RAB37: variants seen among roughly 807,000 people sequenced by gnomAD.
RAB37 encodes the protein ras-related protein Rab-37.
A neutral mutation model predicts 33.1 loss-of-function variants in RAB37; 29 were observed. The ratio of observed to expected loss-of-function variants is 0.88; its 90% CI spans 0.65 to 1.20. The LOEUF (loss-of-function observed/expected upper bound fraction) is 1.20. Ranked by LOEUF, RAB37 falls within the 50% of genes most tolerant of loss-of-function variation. The pLI is 0.00. For synonymous variants in RAB37, 128 were observed against 119.5 expected (o/e 1.07, Z -0.47); for missense variants, 299 against 301.1 (o/e 0.99, Z 0.05).
Position 74,692,329 on chromosome 17 carries a change from C to A in RAB37, c.72+20671C>A, listed in dbSNP as rs564700788. 9.6e-4 allele frequency among the ~76,000 whole-genome samples: 146 copies of A among 152,228 alleles called. 1 individual carries two copies. The highest frequency in any genetic ancestry group is 3.4e-3 in the African/African-American group (143 of 41,532). Reference sequence around the variant, plus strand: ...ACCTGACCAGCTTAGATGACTAGCTCAAGAATAGTCAAGCTTGCTTGGGCT... The same window carrying A: ...ACCTGACCAGCTTAGATGACTAGCTAAAGAATAGTCAAGCTTGCTTGGGCT... On this transcript the variant is annotated intron_variant, in intron 1 of 7. Coordinates refer to the RAB37 transcript ENST00000340415.
At chr17:74,721,969 A>G (rs1306144612) in intron 1 of RAB37, among the ~76,000 whole-genome samples, 1 of 152,132 alleles carries the variant, frequency 6.6e-6, no homozygotes, top group East Asian at 1.9e-4. Flanking sequence ...CTCCAGAGAA[A>G]CAGAAACGGT....
chr17:74,682,835 C>T lies in RAB37; in HGVS notation c.72+11177C>T, dbSNP rs557937436. On this transcript the variant is annotated intron_variant, in intron 1 of 7. Coordinates refer to the RAB37 transcript ENST00000340415. ...AGGAGAATCACTTGAACCCGGGAGG[C>T]GGAGGTTGCGGTGAGCCGAGATTGC... Among the ~76,000 whole-genome samples the T allele has an allele frequency of 2.3e-4, 35 of 152,146 alleles. No individual in the cohort carries two copies. In the East Asian group the frequency reaches 3.9e-3, roughly 17 times the overall value.
At chr17:74,712,327 C>T (rs946496273) in intron 1 of RAB37, among the ~76,000 whole-genome samples, 2 of 152,126 alleles carry the variant, frequency 1.3e-5, no homozygotes, top group African/African-American at 2.4e-5. Flanking sequence ...TTGACCTTTC[C>T]GTCCCTCAGC....
In RAB37 at chr17:74,742,195, G is replaced by A; in HGVS notation, c.205-59G>A. On this transcript the variant is annotated intron_variant, in intron 2 of 8. Coordinates refer to ENST00000392613, the MANE Select transcript of RAB37 (RefSeq NM_001006638.3). This position sits in a 1 kb window ranked among gnomAD's most constrained non-coding sequence, Gnocchi z 4.0. ...GGAGAGGGAACAAGACAGGACGTCT[G>A]CAGAGCTGAGGAGCCACATGACTCC... 6.3e-7 allele frequency: 1 copy of A among 1,595,890 alleles called. No individual in the cohort carries two copies. Among genetic ancestry groups the A allele is most frequent in the Non-Finnish European group, 8.5e-7 (1 of 1,170,516 alleles).
chr17:74,699,208 C>T (rs889650197), intron 1 of RAB37, among the ~76,000 whole-genome samples: 15 of 152,242 alleles, frequency 9.9e-5, no homozygotes, highest in Admixed American at 5.9e-4. Context: ...TGAGCCACAG[C>T]GCCCGGCCTT....
At chr17:74,713,003 C>T (rs1211988495) in intron 1 of RAB37, 2 of 896,070 alleles carry the variant, frequency 2.2e-6, no homozygotes, top group African/African-American at 3.4e-5. Context: ...GTGAAAGAGA[C>T]TAAAAGAGGA....
At chr17:74,678,889 T>C (rs2031896262) in intron 1 of RAB37, among the ~76,000 whole-genome samples, 1 of 152,144 alleles carries the variant, frequency 6.6e-6, no homozygotes, top group African/African-American at 2.4e-5. Flanking sequence ...GGCAGGCAGA[T>C]CACCTGAGGT....
rs529044963 is a variant in RAB37 at position 74,706,909 on chromosome 17, C to G, written c.73-22347C>G. On this transcript the variant is annotated intron_variant, in intron 1 of 7. Coordinates refer to the RAB37 transcript ENST00000340415. ...GGGAAAGGACAGTCTCTTCAATAAACAGTGCTGGGAAAACTCGACATCCAC... is the reference window on the plus strand; with the variant it reads ...GGGAAAGGACAGTCTCTTCAATAAAGAGTGCTGGGAAAACTCGACATCCAC... Among the ~76,000 whole-genome samples the G allele has an allele frequency of 1.3e-3, 199 of 152,328 alleles. 3 individuals carry two copies. Among genetic ancestry groups the G allele is most frequent in the Middle Eastern group, 0.01 (3 of 294 alleles).
rs751098808 is a variant in RAB37, at chr17:74,698,468, T to G, written c.72+26810T>G. 31 of 1,613,630 alleles carry G rather than the reference T, an allele frequency of 1.9e-5. No homozygotes were observed. Among genetic ancestry groups the G allele is most frequent in the Middle Eastern group, 3.3e-4 (2 of 6,048 alleles). On this transcript the variant is annotated intron_variant, in intron 1 of 7. Coordinates refer to the RAB37 transcript ENST00000340415. Reference sequence around the variant, plus strand: ...ATGAGGGGCAGGAGGACACTGAGCTTCAGGAGCTTGTGCCTAGAAACAATG... The same window carrying G: ...ATGAGGGGCAGGAGGACACTGAGCTGCAGGAGCTTGTGCCTAGAAACAATG...
chr17:74,683,279 G>A (rs933192090), intron 1 of RAB37, among the ~76,000 whole-genome samples: 1 of 152,250 alleles, frequency 6.6e-6, no homozygotes, highest in African/African-American at 2.4e-5. Flanking sequence ...TGATCCAACT[G>A]TGGACCATCC....
At chr17:74,699,028 T>C (rs2384955) in intron 1 of RAB37, among the ~76,000 whole-genome samples, 106,609 of 151,896 alleles carry the variant, frequency 0.7, 40,367 homozygotes, top group Middle Eastern at 0.87. Flanking sequence ...AAGAGATTCT[T>C]CTGCCTCAGC....
chr17:74,681,725 G>GC (rs1297239533), intron 1 of RAB37, among the ~76,000 whole-genome samples: 1 of 152,152 alleles, frequency 6.6e-6, no homozygotes, highest in Non-Finnish European at 1.5e-5. Flanking sequence ...CATAGCATAG[G>GC]CCCTGACCAT....
At position 74,671,724 on chromosome 17, in the gene RAB37, C is replaced by T. The variant is rs1386112151; in HGVS notation, c.72+66C>T. The T allele has an allele frequency of 3.5e-5, 49 of 1,410,974 alleles. No homozygotes were observed. Among genetic ancestry groups the T allele is most frequent in the Non-Finnish European group, 4.9e-5 (49 of 997,518 alleles). The allele number at this position is 1,410,974 out of a possible 1,614,324, so 87.4% of individuals were successfully genotyped here. ...GCGCCAGCACCAGGAGTTTTCTCCA[C>T]TCCCCTGACTTTGCTTTGGGACTTA... On this transcript the variant is annotated intron_variant, in intron 1 of 7. Coordinates refer to the RAB37 transcript ENST00000340415. The surrounding 1 kb of genome is among the most constrained non-coding windows in gnomAD (Gnocchi z 5.0).
chr17:74,743,197 T>A lies in RAB37; in HGVS notation c.313+2T>A. The A allele has an allele frequency of 6.2e-7, 1 of 1,613,818 alleles. No homozygotes were observed. The highest frequency in any genetic ancestry group is 1.1e-5 in the South Asian group (1 of 91,066). On this transcript the variant is annotated splice_donor_variant, in intron 4 of 8. Transcript: ENST00000392613. LOFTEE classifies it high-confidence loss of function. ...ATGCTTATTACAGAGATGCTCAGGG[T>A]GAGTCCCTCGCACCCTCCAACCCCT... is the stretch of plus-strand genomic sequence containing the variant.
At chr17:74,701,450 C>T (rs899153231) in intron 1 of RAB37, among the ~76,000 whole-genome samples, 12 of 152,186 alleles carry the variant, frequency 7.9e-5, no homozygotes, top group East Asian at 5.8e-4. Context: ...CATAAGGCTT[C>T]GATTCATAAA....
At position 74,695,174 on chromosome 17, in the gene RAB37, G is replaced by A. The variant is rs1273315203; in HGVS notation, c.72+23516G>A. 9 of 1,614,142 alleles carry A rather than the reference G, an allele frequency of 5.6e-6. No individual in the cohort carries two copies. In the South Asian group the frequency reaches 9.9e-5, roughly 18 times the overall value. ...GGAGGTGGCTACTGAGGTGGCCCAT[G>A]TTGCAGTAGGTCGGTTCCTGATCCT... On this transcript the variant is annotated intron_variant, in intron 1 of 7. Coordinates refer to the RAB37 transcript ENST00000340415.
At chr17:74,705,077 C>T (rs1047725893) in intron 1 of RAB37, 3 of 634,992 alleles carry the variant, frequency 4.7e-6, no homozygotes, top group Non-Finnish European at 8.6e-6. Context: ...CTGCAGTTCA[C>T]CCCTCTCTCC....
intron 1 of RAB37, among the ~76,000 whole-genome samples, chr17:74,715,916 G>A (rs780232539): frequency 5.9e-5 from 9 of 152,124 alleles, no homozygotes; most frequent in Non-Finnish European, 1.5e-5. Flanking sequence ...TGTAATTCTA[G>A]CTACTAAGGA....
chr17:74,693,952 A>G (rs1286527203), intron 1 of RAB37, among the ~76,000 whole-genome samples: 1 of 152,100 alleles, frequency 6.6e-6, no homozygotes, highest in African/African-American at 2.4e-5. Flanking sequence ...ATAGTCCAGC[A>G]TCTGTAAATG....
Sources: gnomAD v4.1 joint callset for allele counts (sites outside exome capture counted in the v4.1 genomes callset) on GRCh38, gnomAD v4.1.1 for gene constraint, Gnocchi (gnomAD v3.1) non-coding constraint, MANE v1.5 for transcripts, NCBI Gene and HGNC (gene_info 2026-07-23, HGNC 2026-07-21) for gene names.